The following ZFHX4 variants were observed in gnomAD, a reference collection of about 807,000 sequenced individuals.
ZFHX4 encodes the protein zinc finger homeobox protein 4.
ZFHX4 carries 56 observed loss-of-function variants against 267.6 expected under a neutral mutation model. The observed-to-expected ratio is 0.21, with a 90% confidence interval of 0.17 to 0.26. ZFHX4 has a LOEUF of 0.26. ZFHX4 is among the 10% of genes least tolerant of loss of function. The pLI is 1.00. For synonymous variants in ZFHX4, 1,778 were observed against 1,665.6 expected (o/e 1.07, Z -1.64); for missense variants, 4,332 against 4,420.0 (o/e 0.98, Z 0.56).
At chr8:76,812,351 G>A (rs1160667200) in intron 4 of ZFHX4, among the ~76,000 whole-genome samples, 1 of 152,166 alleles carries the variant, frequency 6.6e-6, no homozygotes, top group Admixed American at 6.5e-5. Flanking sequence ...TGTGATACCT[G>A]GGGTGAAACT....
intron 4 of ZFHX4, among the ~76,000 whole-genome samples, chr8:76,801,968 G>A (rs1279730350): frequency 6.6e-6 from 1 of 152,112 alleles, no homozygotes; most frequent in East Asian, 1.9e-4. Context: ...GCAATTTTCT[G>A]CTATTTAAGC....
chr8:76,841,400 C>T (rs532867705), intron 5 of ZFHX4, among the ~76,000 whole-genome samples: 86 of 152,190 alleles, frequency 5.7e-4, no homozygotes, highest in African/African-American at 1.6e-3. Context: ...GAGAGGGCCA[C>T]GATTTCCCCT....
At chr8:76,759,631 G>T (rs941367428) in intron 3 of ZFHX4, among the ~76,000 whole-genome samples, 1 of 152,142 alleles carries the variant, frequency 6.6e-6, no homozygotes, top group African/African-American at 2.4e-5. Context: ...TGATCATCTG[G>T]CTAAGTTTAG....
At chr8:76,772,288 T>C (rs1810284602) in intron 3 of ZFHX4, among the ~76,000 whole-genome samples, 1 of 152,158 alleles carries the variant, frequency 6.6e-6, no homozygotes, top group Non-Finnish European at 1.5e-5. Flanking sequence ...CCTTGAGAGA[T>C]TTCTGAGTGG....
intron 4 of ZFHX4, among the ~76,000 whole-genome samples, chr8:76,810,193 A>G (rs1176396266): frequency 6.6e-6 from 1 of 152,186 alleles, no homozygotes; most frequent in Non-Finnish European, 1.5e-5. Context: ...TTAAAATAAC[A>G]TCTCAGAACT....
At position 76,823,130 on chromosome 8, in the gene ZFHX4, C is replaced by CT. The variant is rs201717109; in HGVS notation, c.3326-10191dup. Reference sequence around the variant, plus strand: ...AGTGTGATGGATGCTATAGTGTCTCCTTTTTTTTTTTTTTTTTAACAGTGA... The same window carrying CT: ...AGTGTGATGGATGCTATAGTGTCTCCTTTTTTTTTTTTTTTTTTAACAGTGA... On this transcript the variant is annotated intron_variant, in intron 4 of 10. Coordinates refer to ENST00000651372, the MANE Select transcript of ZFHX4 (RefSeq NM_024721.5). 4.8e-3 allele frequency among the ~76,000 whole-genome samples: 653 copies of CT among 136,236 alleles called. 5 individuals are homozygous for CT. Among genetic ancestry groups the CT allele is most frequent in the East Asian group, 0.025 (121 of 4,756 alleles). 89.4% of individuals were successfully genotyped at this position (136,236 alleles called of 152,430 possible).
intron 3 of ZFHX4, among the ~76,000 whole-genome samples, chr8:76,775,925 G>T (rs1281011434): frequency 2.0e-5 from 3 of 150,568 alleles, no homozygotes; most frequent in African/African-American, 2.4e-5. Context: ...TGTGAAAGTG[G>T]CTCAAATTAA....
chr8:76,840,916 G>A (rs1812217463), intron 5 of ZFHX4, among the ~76,000 whole-genome samples: 1 of 152,220 alleles, frequency 6.6e-6, no homozygotes, highest in Admixed American at 6.5e-5. Flanking sequence ...TGGGAGGAGG[G>A]AGCCTGTGTT....
Position 76,854,621 on chromosome 8 carries a change from A to T in ZFHX4, c.7700A>T (p.His2567Leu). 6.2e-7 allele frequency: 1 copy of T among 1,613,696 alleles called. No homozygotes were observed. Among genetic ancestry groups the T allele is most frequent in the Non-Finnish European group, 8.5e-7 (1 of 1,179,852 alleles). The part of the protein sequence containing the change: ...TQMPPQASSS[H>L]TTAPTTVAAS... ...ATGCCCCCTCAGGCCAGTTCCTCCC[A>T]CACCACAGCCCCCACAACGGTTGCT... Residue 2567 changes from histidine (H) to leucine (L), a missense_variant, in exon 10 of 11, where the codon CAC becomes CTC. His to Leu is a moderately conservative substitution (Grantham distance 99). This residue lies in a region of ZFHX4 where 1,648 missense variants were observed against 1,625.0 expected (regional missense o/e 1.01). Coordinates refer to ENST00000651372, the MANE Select transcript of ZFHX4 (RefSeq NM_024721.5).
chr8:76,745,178 G>T (rs764176761), intron 3 of ZFHX4, among the ~76,000 whole-genome samples: 1 of 152,094 alleles, frequency 6.6e-6, no homozygotes, highest in Non-Finnish European at 1.5e-5. Context: ...ATGATGCATG[G>T]ATCAAGCATC....
intron 4 of ZFHX4, among the ~76,000 whole-genome samples, chr8:76,795,781 C>T (rs1294739037): frequency 6.6e-6 from 1 of 152,098 alleles, no homozygotes. Context: ...AGGTGATCCG[C>T]CCGCCTCCAA....
At chr8:76,776,922 A>G (rs1369849776) in intron 3 of ZFHX4, among the ~76,000 whole-genome samples, 3 of 151,846 alleles carry the variant, frequency 2.0e-5, no homozygotes, top group African/African-American at 7.3e-5. Flanking sequence ...GCTAAAAGCC[A>G]GGGAGGTGGG....
chr8:76,797,591 A>G (rs1314536253), intron 4 of ZFHX4, among the ~76,000 whole-genome samples: 1 of 152,208 alleles, frequency 6.6e-6, no homozygotes, highest in Non-Finnish European at 1.5e-5. Flanking sequence ...TTTAAACAAT[A>G]TTTAGTCAGC....
At chr8:76,771,630 G>A (rs1348092426) in intron 3 of ZFHX4, among the ~76,000 whole-genome samples, 1 of 151,834 alleles carries the variant, frequency 6.6e-6, no homozygotes, top group African/African-American at 2.4e-5. Flanking sequence ...TGAAGAGATG[G>A]GTTCTCACTT....
intron 4 of ZFHX4, among the ~76,000 whole-genome samples, chr8:76,788,402 C>A (rs1810748602): frequency 6.6e-6 from 1 of 152,190 alleles, no homozygotes; most frequent in Admixed American, 6.5e-5. Flanking sequence ...TATTGTAGAA[C>A]TTAGCATTCA....
rs770274276 is a variant in ZFHX4 at position 76,705,183 on chromosome 8, C to A, written c.1095C>A (p.Ser365Arg). 1.2e-5 allele frequency: 19 copies of A among 1,613,772 alleles called. No homozygotes were observed. Among genetic ancestry groups the A allele is most frequent in the Non-Finnish European group, 1.4e-5 (17 of 1,179,900 alleles). ...GPDPTFRGLW[S>R]AFHVENGDSL... ...ATCCAACCTTCCGCGGTTTATGGAG[C>A]GCTTTTCATGTTGAAAATGGTGACT... The change falls in exon 2 of 11, where the codon AGC becomes AGA. Residue 365 changes from serine (S) to arginine (R), a missense_variant. Physicochemically the swap from Ser to Arg is moderately radical, Grantham distance 110. This residue lies in a region of ZFHX4 where 1,195 missense variants were observed against 1,173.6 expected (regional missense o/e 1.02). Coordinates refer to ENST00000651372, the MANE Select transcript of ZFHX4 (RefSeq NM_024721.5).
chr8:76,792,531 T>C (rs1411260573), intron 4 of ZFHX4, among the ~76,000 whole-genome samples: 1 of 152,170 alleles, frequency 6.6e-6, no homozygotes, highest in Admixed American at 6.6e-5. Flanking sequence ...TAATAAAGAT[T>C]ATGGTTTAAT....
In ZFHX4 at chr8:76,688,799, C is replaced by T. The variant is rs538199215; in HGVS notation, c.-47+7179C>T. On this transcript the variant is annotated intron_variant, in intron 1 of 10. Coordinates refer to ENST00000651372, the MANE Select transcript of ZFHX4 (RefSeq NM_024721.5). The stretch of plus-strand genomic sequence containing the variant: ...TTTGAGGTCACCACAAATGATCCAC[C>T]GATGGCTGTCTCAGAACAAGGTTAG... Among the ~76,000 whole-genome samples, 8 of 152,188 alleles carry T rather than the reference C, an allele frequency of 5.3e-5. No homozygotes were observed. In the South Asian group the frequency reaches 1.2e-3, roughly 24 times the overall value.
At chr8:76,774,058 G>T (rs2131759180) in intron 3 of ZFHX4, among the ~76,000 whole-genome samples, 1 of 152,190 alleles carries the variant, frequency 6.6e-6, no homozygotes, top group South Asian at 2.1e-4. Context: ...GCAGACTCTA[G>T]TCCAAATTCT....
Sources: allele counts gnomAD v4.1 joint callset (sites outside exome capture counted in the v4.1 genomes callset), GRCh38; gene constraint gnomAD v4.1.1; regional missense constraint gnomAD v4.1.1; transcripts MANE v1.5; gene names NCBI Gene and HGNC (gene_info 2026-07-23, HGNC 2026-07-21).